NDN: variants seen among roughly 807,000 people sequenced by gnomAD.
The protein encoded by NDN is necdin, MAGE family member.
For synonymous variants in NDN, 245 were observed against 189.4 expected (o/e 1.29, Z -2.41); for missense variants, 465 against 440.4 (o/e 1.06, Z -0.50).
At position 23,687,181 on chromosome 15, in the gene NDN, A is replaced by T. The variant is rs1891166803; in HGVS notation, c.37T>A (p.Phe13Ile). The change falls in exon 1 of 1, where the codon TTT (phenylalanine) becomes ATT (isoleucine). Residue 13 changes from phenylalanine to isoleucine, a missense_variant. Physicochemically the swap from Phe to Ile is conservative, Grantham distance 21. Transcript: ENST00000649030. ...EQSKDLSDPN[F>I]AAEAPNSEVH... ...TCGGAGTTGGGGGCCTCGGCTGCAA[A>T]GTTAGGGTCGCTCAGATCCTTACTT... The T allele has an allele frequency of 6.5e-7, 1 of 1,527,192 alleles. No homozygotes were observed. The highest frequency in any genetic ancestry group is 8.8e-7 in the Non-Finnish European group (1 of 1,141,626). The allele number at this position is 1,527,192 out of a possible 1,614,324, so 94.6% of individuals were successfully genotyped here. A position where few individuals can be genotyped will look rare whatever the true frequency, so the allele number is the denominator to read the frequency against.
rs1366511109 is a variant in NDN, at chr15:23,685,695, A to C, written c.*557T>G. The C allele has an allele frequency of 1.3e-5, 2 of 152,214 alleles. No homozygotes were observed. The highest frequency in any genetic ancestry group is 6.5e-5 in the Admixed American group (1 of 15,286). The allele number at this position is 152,214 out of a possible 1,614,324, so 9.4% of individuals were successfully genotyped here. A position where few individuals can be genotyped will look rare whatever the true frequency, so the allele number is the denominator to read the frequency against. Reference sequence around the variant, plus strand: ...TTCCAAAAATGATTGTATCACAAGAATCTTTAATGTTTACTTTAAAGTTGA... The same window carrying C: ...TTCCAAAAATGATTGTATCACAAGACTCTTTAATGTTTACTTTAAAGTTGA... On this transcript the variant is annotated 3_prime_UTR_variant, in exon 1 of 1. Coordinates refer to ENST00000649030, the MANE Select transcript of NDN (RefSeq NM_002487.3).
At position 23,686,941 on chromosome 15, in the gene NDN, G is replaced by C. The variant is rs910356078; in HGVS notation, c.277C>G (p.Pro93Ala). 6 of 1,609,560 alleles carry C rather than the reference G, an allele frequency of 3.7e-6. No homozygotes were observed. The highest frequency in any genetic ancestry group is 1.7e-5 in the Admixed American group (1 of 59,690). The change falls in exon 1 of 1, where the codon CCA (proline) becomes GCA (alanine). Residue 93 changes from proline (P) to alanine (A), a missense_variant. Transcript: ENST00000649030. ...TTCTGCACCAGCTGCGCCGGGGCTG[G>C]CGGTGCCGGGCCCGGCTGGGCCGCG... Reference protein sequence around the residue: ...PSAAQPGPAPPAPAQLVQKAH... With the variant: ...PSAAQPGPAPAAPAQLVQKAH...
chr15:23,686,635 G>A lies in NDN; in HGVS notation c.583C>T (p.Leu195=). ...MPMTGLLLMI[L]SLIYVKGRGA... ...CGGCCCTTCACGTAGATGAGGCTCA[G>A]GATCATGAGCAGGAGGCCTGTCATG... The change falls in exon 1 of 1, where the codon CTG becomes TTG. Residue 195 remains leucine, a synonymous_variant. Coordinates refer to ENST00000649030, the MANE Select transcript of NDN (RefSeq NM_002487.3). 1.9e-6 allele frequency: 3 copies of A among 1,613,522 alleles called. No homozygotes were observed.
chr15:23,686,221 T>A lies in NDN; in HGVS notation c.*31A>T. Reference sequence around the variant, plus strand: ...CACCCTTCCACAGCCCTGGTGAGGGTCAGAAACCATTCATCTGCCTCCAGA... The same window carrying A: ...CACCCTTCCACAGCCCTGGTGAGGGACAGAAACCATTCATCTGCCTCCAGA... On this transcript the variant is annotated 3_prime_UTR_variant, in exon 1 of 1. Transcript: ENST00000649030. 1 of 1,501,788 alleles carries A rather than the reference T, an allele frequency of 6.7e-7. No homozygotes were observed. Among genetic ancestry groups the A allele is most frequent in the South Asian group, 1.4e-5 (1 of 72,260 alleles). 93.0% of individuals were successfully genotyped at this position (1,501,788 alleles called of 1,614,324 possible).
In NDN at chr15:23,686,865, A is replaced by T. The variant is rs373267351; in HGVS notation, c.353T>A (p.Ile118Asn). 3 of 1,614,082 alleles carry T rather than the reference A, an allele frequency of 1.9e-6. No homozygotes were observed. The highest frequency in any genetic ancestry group is 2.5e-6 in the Non-Finnish European group (3 of 1,179,998). Residue 118 changes from isoleucine to asparagine, a missense_variant, in exon 1 of 1, where the codon ATC becomes AAC. Ile to Asn is a moderately radical substitution (Grantham distance 149). Coordinates refer to ENST00000649030, the MANE Select transcript of NDN (RefSeq NM_002487.3). Reference protein sequence around the residue: ...YVLVKDQKKMIIWFPDMVKDV... With the variant: ...YVLVKDQKKMNIWFPDMVKDV... ...TTTCACCATGTCTGGAAACCAGATGATCATCTTCTTCTGGTCCTTGACCAG... is the reference window on the plus strand; with the variant it reads ...TTTCACCATGTCTGGAAACCAGATGTTCATCTTCTTCTGGTCCTTGACCAG...
In NDN at chr15:23,686,176, A is replaced by C. The variant is rs1269145472; in HGVS notation, c.*76T>G. 28 of 1,474,312 alleles carry C rather than the reference A, an allele frequency of 1.9e-5. No individual in the cohort carries two copies. Among genetic ancestry groups the C allele is most frequent in the Non-Finnish European group, 2.0e-5 (22 of 1,110,978 alleles). 91.3% of individuals were successfully genotyped at this position (1,474,312 alleles called of 1,614,324 possible). A position where few individuals can be genotyped will look rare whatever the true frequency, so the allele number is the denominator to read the frequency against. ...GTGAATACTGCACTGTAAATCCTGA[A>C]TACTATAATGACCCACCCCCACCCT... On this transcript the variant is annotated 3_prime_UTR_variant, in exon 1 of 1. Transcript: ENST00000649030.
Position 23,686,982 on chromosome 15 carries a change from G to A in NDN, c.236C>T (p.Ala79Val). The A allele has an allele frequency of 6.7e-7, 1 of 1,489,022 alleles. No individual in the cohort carries two copies. The allele number at this position is 1,489,022 out of a possible 1,614,324, so 92.2% of individuals were successfully genotyped here. ...ALQQAAEEGRAHQAPSAAQPG... is the reference protein window; with the variant it reads ...ALQQAAEEGRVHQAPSAAQPG... ...CTGGGCCGCGCTCGGGGCCTGGTGGGCGCGGCCCTCCTCCGCAGCCTGCTG... is the reference window on the plus strand; with the variant it reads ...CTGGGCCGCGCTCGGGGCCTGGTGGACGCGGCCCTCCTCCGCAGCCTGCTG... Residue 79 changes from alanine (A) to valine (V), a missense_variant, in exon 1 of 1, where the codon GCC becomes GTC. Transcript: ENST00000649030.
Position 23,686,384 on chromosome 15 carries a change from G to A in NDN, c.834C>T (p.Phe278=), listed in dbSNP as rs746627311. Residue 278 remains phenylalanine, a synonymous_variant, in exon 1 of 1, where the codon TTC becomes TTT. Coordinates refer to ENST00000649030, the MANE Select transcript of NDN (RefSeq NM_002487.3). ...REITKMQIME[F]LARVFKKDPQ... is the part of the protein sequence containing the mutation. ...GGTCTTTCTTAAAGACCCTGGCCAG[G>A]AACTCCATGATTTGCATCTTGGTGA... 2.5e-6 allele frequency: 4 copies of A among 1,607,138 alleles called. No homozygotes were observed. In the South Asian group the frequency reaches 3.3e-5, roughly 13 times the overall value.
chr15:23,685,589 A>G lies in NDN; in HGVS notation c.*663T>C, dbSNP rs1891131605. On this transcript the variant is annotated 3_prime_UTR_variant, in exon 1 of 1. Transcript: ENST00000649030. The stretch of plus-strand genomic sequence containing the variant: ...TTTTTCCCACCCTATTAGGGGAAAT[A>G]GTTGTATCTGTATACACTGTAAAAT... 6.6e-6 allele frequency: 1 copy of G among 152,268 alleles called. No homozygotes were observed. 9.4% of individuals were successfully genotyped at this position (152,268 alleles called of 1,614,324 possible). A position where few individuals can be genotyped will look rare whatever the true frequency, so the allele number is the denominator to read the frequency against.
At position 23,686,541 on chromosome 15, in the gene NDN, G is replaced by C. The variant is rs1566793319; in HGVS notation, c.677C>G (p.Ser226Cys). The stretch of plus-strand genomic sequence containing the variant: ...GAGCTTCCGCACGTCCCCGAAGGTG[G>C]AGTGCTTCTTCCAGGGCCGCAGCCC... The part of the protein sequence containing the change: ...ILGLRPWKKH[S>C]TFGDVRKLIT... Residue 226 changes from serine (S) to cysteine (C), a missense_variant, in exon 1 of 1, where the codon TCC (serine) becomes TGC (cysteine). Coordinates refer to ENST00000649030, the MANE Select transcript of NDN (RefSeq NM_002487.3). 16 of 1,613,362 alleles carry C rather than the reference G, an allele frequency of 9.9e-6. No individual in the cohort carries two copies. Among genetic ancestry groups the C allele is most frequent in the Non-Finnish European group, 1.4e-5 (16 of 1,180,020 alleles).
In NDN at chr15:23,686,793, C is replaced by T. The variant is rs767312463; in HGVS notation, c.425G>A (p.Arg142His). Reference sequence around the variant, plus strand: ...CACCCGGGCGAGGATGAGGCTGGTGCGCCGGAGGATGCTCCTGCACCACTT... The same window carrying T: ...CACCCGGGCGAGGATGAGGCTGGTGTGCCGGAGGATGCTCCTGCACCACTT... ...YKKWCRSILR[R>H]TSLILARVFG... Residue 142 changes from arginine to histidine, a missense_variant, in exon 1 of 1, where the codon CGC becomes CAC. Coordinates refer to ENST00000649030, the MANE Select transcript of NDN (RefSeq NM_002487.3). 12 of 1,613,864 alleles carry T rather than the reference C, an allele frequency of 7.4e-6. No homozygotes were observed. The highest frequency in any genetic ancestry group is 2.7e-5 in the African/African-American group (2 of 75,072).
rs1403217649 is a variant in NDN, at chr15:23,686,859, C to G, written c.359G>C (p.Trp120Ser). The G allele has an allele frequency of 6.2e-7, 1 of 1,614,160 alleles. No individual in the cohort carries two copies. Among genetic ancestry groups the G allele is most frequent in the Admixed American group, 1.7e-5 (1 of 60,032 alleles). Reference sequence around the variant, plus strand: ...GACATCTTTCACCATGTCTGGAAACCAGATGATCATCTTCTTCTGGTCCTT... The same window carrying G: ...GACATCTTTCACCATGTCTGGAAACGAGATGATCATCTTCTTCTGGTCCTT... The part of the protein sequence containing the change: ...LVKDQKKMII[W>S]FPDMVKDVIG... Residue 120 changes from tryptophan to serine, a missense_variant, in exon 1 of 1, where the codon TGG becomes TCG. Transcript: ENST00000649030.
rs17117095 is a variant in NDN, at chr15:23,687,274, G to A, written c.-57C>T. On this transcript the variant is annotated 5_prime_UTR_variant, in exon 1 of 1. Transcript: ENST00000649030. ...GCGTCCAGGAGCTCTTCGAGCCTGC[G>A]CTCCCTCCGCGGATTCCTGGAGAGG... 5 of 1,345,228 alleles carry A rather than the reference G, an allele frequency of 3.7e-6. No individual in the cohort carries two copies. Among genetic ancestry groups the A allele is most frequent in the South Asian group, 2.2e-5 (1 of 44,498 alleles). 83.3% of individuals were successfully genotyped at this position (1,345,228 alleles called of 1,614,324 possible). A position where few individuals can be genotyped will look rare whatever the true frequency, so the allele number is the denominator to read the frequency against.
Position 23,687,113 on chromosome 15 carries a change from G to A in NDN, c.105C>T (p.Ser35=), listed in dbSNP as rs775369154. 1.1e-5 allele frequency: 18 copies of A among 1,581,956 alleles called. No individual in the cohort carries two copies. The highest frequency in any genetic ancestry group is 1.5e-5 in the Non-Finnish European group (18 of 1,166,652). The stretch of plus-strand genomic sequence containing the variant: ...GGCTCTGCGGCTCTGCCAGGGTCGC[G>A]GACGGAGGAACCCCCTCCGAAACCC... ...SPGVSEGVPP[S]ATLAEPQSPP... The change falls in exon 1 of 1, where the codon TCC becomes TCT. Residue 35 remains serine (S), a synonymous_variant. Coordinates refer to ENST00000649030, the MANE Select transcript of NDN (RefSeq NM_002487.3).
At position 23,686,103 on chromosome 15, in the gene NDN, T is replaced by A; in HGVS notation, c.*149A>T. On this transcript the variant is annotated 3_prime_UTR_variant, in exon 1 of 1. Transcript: ENST00000649030. ...CAATAGTACCCAAATGAATACAACA[T>A]TGCATTAAAGGTATAAAAGCACTGT... is the stretch of plus-strand genomic sequence containing the variant. The A allele has an allele frequency of 1.1e-6, 1 of 875,242 alleles. No individual in the cohort carries two copies. The allele number at this position is 875,242 out of a possible 1,614,324, so 54.2% of individuals were successfully genotyped here.
chr15:23,687,066 G>C lies in NDN; in HGVS notation c.152C>G (p.Ala51Gly). 6.5e-7 allele frequency: 1 copy of C among 1,548,756 alleles called. No homozygotes were observed. The highest frequency in any genetic ancestry group is 8.7e-7 in the Non-Finnish European group (1 of 1,151,098). ...CTGGGGAGGCGGCGCGGCCTGCGGAGCGGCCGTCGGGCCTAGAGGAGGGCT... is the reference window on the plus strand; with the variant it reads ...CTGGGGAGGCGGCGCGGCCTGCGGACCGGCCGTCGGGCCTAGAGGAGGGCT... ...PQSPPLGPTA[A>G]PQAAPPPQAP... is the part of the protein sequence containing the mutation. Residue 51 changes from alanine (A) to glycine (G), a missense_variant, in exon 1 of 1, where the codon GCT becomes GGT. Transcript: ENST00000649030.
At position 23,687,245 on chromosome 15, in the gene NDN, C is replaced by T. The variant is rs1891169483; in HGVS notation, c.-28G>A. ...CTGCGCCGTCTGGCAAGGGCAGGGC[C>T]TCTGCGTCCAGGAGCTCTTCGAGCC... On this transcript the variant is annotated 5_prime_UTR_variant, in exon 1 of 1. Transcript: ENST00000649030. 4 of 1,400,106 alleles carry T rather than the reference C, an allele frequency of 2.9e-6. No individual in the cohort carries two copies. Among genetic ancestry groups the T allele is most frequent in the Non-Finnish European group, 3.7e-6 (4 of 1,072,618 alleles). The allele number at this position is 1,400,106 out of a possible 1,614,324, so 86.7% of individuals were successfully genotyped here. A position where few individuals can be genotyped will look rare whatever the true frequency, so the allele number is the denominator to read the frequency against.
In NDN at chr15:23,686,078, C is replaced by G; in HGVS notation, c.*174G>C. On this transcript the variant is annotated 3_prime_UTR_variant, in exon 1 of 1. Transcript: ENST00000649030. ...ACATGCATACATCCTAAATACTACA[C>G]AATAGTACCCAAATGAATACAACAT... is the stretch of plus-strand genomic sequence containing the variant. 1 of 712,828 alleles carries G rather than the reference C, an allele frequency of 1.4e-6. No individual in the cohort carries two copies. Among genetic ancestry groups the G allele is most frequent in the Non-Finnish European group, 2.0e-6 (1 of 489,688 alleles). The allele number at this position is 712,828 out of a possible 1,614,324, so 44.2% of individuals were successfully genotyped here.
rs745817622 is a variant in NDN at position 23,687,162 on chromosome 15, T to C, written c.56A>G (p.Asn19Ser). 75 of 1,540,846 alleles carry C rather than the reference T, an allele frequency of 4.9e-5. No individual in the cohort carries two copies. The highest frequency in any genetic ancestry group is 4.4e-4 in the Admixed American group (21 of 47,428). Residue 19 changes from asparagine to serine, a missense_variant, in exon 1 of 1, where the codon AAC becomes AGC. Asn to Ser is a conservative substitution (Grantham distance 46). Transcript: ENST00000649030. ...SDPNFAAEAP[N>S]SEVHSSPGVS... ...CCCAGGGCTGCTGTGCACCTCGGAG[T>C]TGGGGGCCTCGGCTGCAAAGTTAGG...
Sources: gnomAD v4.1 joint callset for allele counts on GRCh38, gnomAD v4.1.1 for gene constraint, MANE v1.5 for transcripts, NCBI Gene and HGNC (gene_info 2026-07-23, HGNC 2026-07-21) for gene names.